Variants in SMCO4 observed in about 807,000 individuals in gnomAD.
SMCO4 encodes single-pass membrane and coiled-coil domain-containing protein 4.
A neutral mutation model predicts 3.6 loss-of-function variants in SMCO4; 4 were observed. The observed-to-expected ratio is 1.11, with a 90% CI of 0.54 to 2.53. The LOEUF (loss-of-function observed/expected upper bound fraction) is 2.53, where lower values mean the gene tolerates loss of function less well. SMCO4 is among the 30% of genes most tolerant of loss of function. SMCO4 has a pLI of 0.02. For missense variants in SMCO4, 70 were observed against 80.8 expected (o/e 0.87, Z 0.51); for synonymous variants, 36 against 35.3 (o/e 1.02, Z -0.07).
At chr11:93,493,365 C>A (rs571247745) in intron 2 of SMCO4, among the ~76,000 whole-genome samples, 1 of 152,282 alleles carries the variant, frequency 6.6e-6, no homozygotes, top group South Asian at 2.1e-4. Context: ...ACTCCACCTT[C>A]CCCACGCTGC....
At chr11:93,513,970 C>T (rs1014852640) in intron 1 of SMCO4, among the ~76,000 whole-genome samples, 5 of 152,124 alleles carry the variant, frequency 3.3e-5, no homozygotes, top group Admixed American at 6.5e-5. Flanking sequence ...CATCTGTTTC[C>T]TCTACTAACC....
At chr11:93,528,125 GC>G (rs1949127992) in intron 1 of SMCO4, among the ~76,000 whole-genome samples, 1 of 151,794 alleles carries the variant, frequency 6.6e-6, no homozygotes, top group African/African-American at 2.4e-5. Context: ...TGCTTAAAAA[GC>G]CCTCCTATAA....
intron 1 of SMCO4, among the ~76,000 whole-genome samples, chr11:93,507,962 T>C (rs1184857242): frequency 6.6e-6 from 1 of 152,252 alleles, no homozygotes; most frequent in East Asian, 1.9e-4. Context: ...TGTTTGTGCT[T>C]TGGAAATATT....
intron 1 of SMCO4, among the ~76,000 whole-genome samples, chr11:93,536,524 G>A (rs1272592085): frequency 2.0e-5 from 3 of 152,194 alleles, no homozygotes; most frequent in African/African-American, 7.2e-5. Context: ...AATATACTAT[G>A]TGAAAAAAGC....
At chr11:93,535,787 AAGC>A (rs529443021) in intron 1 of SMCO4, 5 of 1,612,234 alleles carry the variant, frequency 3.1e-6, no homozygotes, top group East Asian at 2.2e-5. Context: ...AAGAAGACCA[AAGC>A]AGCAGCAGCA....
intron 1 of SMCO4, among the ~76,000 whole-genome samples, chr11:93,531,346 C>T (rs1350310983): frequency 6.6e-6 from 1 of 152,050 alleles, no homozygotes; most frequent in Non-Finnish European, 1.5e-5. Context: ...CTAGAACTTA[C>T]ACCATTGGCT....
At chr11:93,539,977 G>A (rs1949258956) in intron 1 of SMCO4, among the ~76,000 whole-genome samples, 1 of 151,392 alleles carries the variant, frequency 6.6e-6, no homozygotes, top group Non-Finnish European at 1.5e-5. Flanking sequence ...AAAAAAGGAG[G>A]AAGGCCACAA....
intron 2 of SMCO4, among the ~76,000 whole-genome samples, chr11:93,487,076 T>G (rs1221219398): frequency 1.3e-5 from 2 of 152,248 alleles, no homozygotes; most frequent in Non-Finnish European, 2.9e-5. Context: ...CTTTATGCTA[T>G]AAGCCCAGGG....
At position 93,542,033 on chromosome 11, in the gene SMCO4, C is replaced by G. The variant is rs1949274855; in HGVS notation, c.-154+1243G>C. 2.0e-5 allele frequency among the ~76,000 whole-genome samples: 3 copies of G among 152,072 alleles called. No homozygotes were observed. In the South Asian group the frequency reaches 6.2e-4, roughly 32 times the overall value. On this transcript the variant is annotated intron_variant, in intron 1 of 2. Transcript: ENST00000298966. ...GACGAGAATAAGGGCTCAAGAAGCC[C>G]ACTATGGGTCTCTTGCCGTATCACT...
chr11:93,530,431 C>G (rs56218826), intron 1 of SMCO4, among the ~76,000 whole-genome samples: 1 of 152,156 alleles, frequency 6.6e-6, no homozygotes, highest in Non-Finnish European at 1.5e-5. Flanking sequence ...ACAGCACTAA[C>G]ATTTTTTAAA....
At chr11:93,541,066 G>T (rs931031617) in intron 1 of SMCO4, among the ~76,000 whole-genome samples, 1 of 152,180 alleles carries the variant, frequency 6.6e-6, no homozygotes, top group Non-Finnish European at 1.5e-5. Context: ...GACAAGAACA[G>T]GAACATTCAG....
chr11:93,511,122 C>T (rs1248510676), intron 1 of SMCO4, among the ~76,000 whole-genome samples: 3 of 151,972 alleles, frequency 2.0e-5, no homozygotes, highest in Non-Finnish European at 4.4e-5. Flanking sequence ...AACAAAAAGC[C>T]CACTCAAAAG....
At chr11:93,528,980 G>A (rs1310361355) in intron 1 of SMCO4, among the ~76,000 whole-genome samples, 1 of 152,148 alleles carries the variant, frequency 6.6e-6, no homozygotes, top group East Asian at 1.9e-4. Context: ...CCACCCCTGG[G>A]CATAGGACAA....
intron 1 of SMCO4, among the ~76,000 whole-genome samples, chr11:93,506,126 C>A (rs540313067): frequency 1.3e-5 from 2 of 152,166 alleles, no homozygotes; most frequent in South Asian, 4.1e-4. Flanking sequence ...CACACACACA[C>A]GGGGAGGGAG....
rs189189887 is a variant in SMCO4, at chr11:93,500,994, C to T, written c.-153-1646G>A. 1.1e-4 allele frequency among the ~76,000 whole-genome samples: 16 copies of T among 152,302 alleles called. No individual in the cohort carries two copies. The East Asian group carries it at 2.3e-3, about 22-fold the overall frequency. ...AGCGACAGGGACACCAGCTGGCCTC[C>T]GAAGGGCAACTCTGCTATCTGCTCT... On this transcript the variant is annotated intron_variant, in intron 1 of 2. Coordinates refer to ENST00000298966, the MANE Select transcript of SMCO4 (RefSeq NM_020179.3).
At chr11:93,519,057 G>C (rs538456106) in intron 1 of SMCO4, among the ~76,000 whole-genome samples, 53 of 152,296 alleles carry the variant, frequency 3.5e-4, no homozygotes, top group Middle Eastern at 3.4e-3. Flanking sequence ...TAAACTGTCA[G>C]CACTACTTAA....
At chr11:93,530,343 G>C (rs1205692974) in intron 1 of SMCO4, among the ~76,000 whole-genome samples, 1 of 152,084 alleles carries the variant, frequency 6.6e-6, no homozygotes, top group Non-Finnish European at 1.5e-5. Context: ...TCTCTTCTTC[G>C]TGTTTGTGGT....
intron 2 of SMCO4, among the ~76,000 whole-genome samples, chr11:93,493,967 C>A (rs1948747892): frequency 6.6e-6 from 1 of 152,160 alleles, no homozygotes; most frequent in South Asian, 2.1e-4. Flanking sequence ...CTCAGACATA[C>A]CCCTCTCTCC....
intron 1 of SMCO4, among the ~76,000 whole-genome samples, chr11:93,522,570 CAATA>C (rs1949067973): frequency 6.6e-6 from 1 of 152,210 alleles, no homozygotes; most frequent in Non-Finnish European, 1.5e-5. Context: ...CATGGAAGTA[CAATA>C]AATAAGATGC....
Sources: gnomAD v4.1 joint callset for allele counts (sites outside exome capture counted in the v4.1 genomes callset) on GRCh38, gnomAD v4.1.1 for gene constraint, MANE v1.5 for transcripts, NCBI Gene and HGNC (gene_info 2026-07-23, HGNC 2026-07-21) for gene names.